Variants in MGA observed in about 807,000 individuals in gnomAD.
MGA encodes MAX gene-associated protein.
Under a neutral mutation model 261.1 loss-of-function variants are expected in MGA, and 40 were observed. The ratio of observed to expected loss-of-function variants is 0.15; its 90% CI spans 0.12 to 0.20. The LOEUF (loss-of-function observed/expected upper bound fraction) is 0.20, where lower values mean the gene tolerates loss of function less well. Among genes scored for constraint, MGA ranks in the 10% least tolerant of loss-of-function variants. The probability of loss-of-function intolerance (pLI) is 1.00; values close to 1 mark genes in which losing one functional copy is unlikely to be tolerated. For missense variants in MGA, 3,397 were observed against 3,630.5 expected, an observed-to-expected ratio of 0.94 and a Z score of 1.65; for synonymous variants, 1,302 against 1,290.6, an observed-to-expected ratio of 1.01 and a Z score of -0.19.
At chr15:41,627,672 A>G (rs981749981) in intron 1 of MGA, among the ~76,000 whole-genome samples, 1 of 152,254 alleles carries the variant, frequency 6.6e-6, no homozygotes, top group Non-Finnish European at 1.5e-5. Flanking sequence ...TAAGTAATAC[A>G]TTGACAAGCC....
At position 41,750,207 on chromosome 15, in the gene MGA, G is replaced by A; in HGVS notation, c.6600G>A (p.Gln2200=). The change falls in exon 17 of 24, where the codon CAG becomes CAA. Residue 2200 remains glutamine, a synonymous_variant. Coordinates refer to ENST00000219905, the MANE Select transcript of MGA (RefSeq NM_001164273.2). ...AATGTAAGAAAGAGGCAGACGAGCA[G>A]TTAATTAAAGAAACAAAGACATGTC... 6.2e-7 allele frequency: 1 copy of A among 1,613,924 alleles called. No homozygotes were observed. The highest frequency in any genetic ancestry group is 1.1e-5 in the South Asian group (1 of 91,090).
chr15:41,749,882 A>C lies in MGA; in HGVS notation c.6275A>C (p.Lys2092Thr). 2 of 1,613,984 alleles carry C rather than the reference A, an allele frequency of 1.2e-6. No homozygotes were observed. The highest frequency in any genetic ancestry group is 1.7e-6 in the Non-Finnish European group (2 of 1,179,890). Residue 2092 changes from lysine (K) to threonine (T), a missense_variant, in exon 17 of 24, where the codon AAA (lysine) becomes ACA (threonine). Around this residue, in one of 9 missense-constraint regions of MGA, gnomAD observed 1,410 missense variants for 1,386.4 expected, o/e 1.02. Coordinates refer to ENST00000219905, the MANE Select transcript of MGA (RefSeq NM_001164273.2). ...CTGGAAGTTAGGACCATTTCTGAAA[A>C]AGCCAGTAATAAGACAGTCCAAAAT...
chr15:41,689,317 C>G (rs1020256934), intron 2 of MGA, among the ~76,000 whole-genome samples: 6 of 151,256 alleles, frequency 4.0e-5, no homozygotes, highest in Non-Finnish European at 7.4e-5. Context: ...CTCTTCCTTT[C>G]TCTCCCTACC....
At chr15:41,621,740 G>T (rs2056293838) in intron 1 of MGA, among the ~76,000 whole-genome samples, 1 of 151,970 alleles carries the variant, frequency 6.6e-6, no homozygotes, top group South Asian at 2.1e-4. Context: ...GAGGCGTCAC[G>T]TGGACGCCAC....
chr15:41,693,435 T>A (rs1309254072), intron 2 of MGA, among the ~76,000 whole-genome samples: 1 of 151,852 alleles, frequency 6.6e-6, no homozygotes, highest in Non-Finnish European at 1.5e-5. Context: ...TGTGATAGTT[T>A]ACTGAGAATG....
chr15:41,709,704 G>A (rs1179474324), intron 7 of MGA, among the ~76,000 whole-genome samples: 1 of 151,782 alleles, frequency 6.6e-6, no homozygotes, highest in Non-Finnish European at 1.5e-5. Flanking sequence ...ACTAAGTGCC[G>A]GGATTACAGG....
At chr15:41,677,624 A>T (rs546275876) in intron 2 of MGA, among the ~76,000 whole-genome samples, 1 of 152,328 alleles carries the variant, frequency 6.6e-6, no homozygotes, top group Non-Finnish European at 1.5e-5. Context: ...TGTTTTTAAT[A>T]ATAGCCATCT....
chr15:41,729,498 T>C, intron 11 of MGA, 149 bp downstream of exon 11: 2 of 788,750 alleles, frequency 2.5e-6, no homozygotes, highest in Non-Finnish European at 4.0e-6. Flanking sequence ...GTGTACCTAT[T>C]GTATGATACG....
chr15:41,736,071 C>T, intron 12 of MGA, 110 bp from the exon 13 acceptor site: 1 of 985,812 alleles, frequency 1.0e-6, no homozygotes, highest in Non-Finnish European at 1.4e-6. Flanking sequence ...TAAGTTACTA[C>T]TGTGAAAGAA....
chr15:41,705,746 G>A (rs2060073667), intron 5 of MGA, among the ~76,000 whole-genome samples: 2 of 152,112 alleles, frequency 1.3e-5, no homozygotes, highest in South Asian at 4.1e-4. Context: ...TGAATGTGGT[G>A]GATTGGTGTT....
chr15:41,670,576 G>A (rs1055051986), intron 2 of MGA, among the ~76,000 whole-genome samples: 2 of 152,130 alleles, frequency 1.3e-5, no homozygotes, highest in Non-Finnish European at 2.9e-5. Flanking sequence ...CATGATCTCC[G>A]CTCACTGCAA....
At chr15:41,694,857 A>G (rs1330474447) in intron 2 of MGA, among the ~76,000 whole-genome samples, 3 of 152,040 alleles carry the variant, frequency 2.0e-5, no homozygotes, top group Admixed American at 2.0e-4. Context: ...TGCAGCCTCG[A>G]ACTCCTGGGC....
intron 2 of MGA, among the ~76,000 whole-genome samples, chr15:41,681,055 A>C (rs1233078263): frequency 6.6e-6 from 1 of 152,182 alleles, no homozygotes; most frequent in Non-Finnish European, 1.5e-5. Flanking sequence ...CACTCTGGAA[A>C]TACCAAAGAT....
At chr15:41,650,893 G>T (rs917960689) in intron 1 of MGA, among the ~76,000 whole-genome samples, 1 of 152,098 alleles carries the variant, frequency 6.6e-6, no homozygotes, top group Non-Finnish European at 1.5e-5. Context: ...AGTAACCTAG[G>T]TTATTTTCAT....
chr15:41,697,537 C>G (rs1450135585), intron 3 of MGA, among the ~76,000 whole-genome samples: 3 of 152,006 alleles, frequency 2.0e-5, no homozygotes, highest in African/African-American at 7.3e-5. Context: ...GTGCCCCAGC[C>G]TCACGAGTAG....
chr15:41,653,969 C>T (rs567540174), intron 1 of MGA, among the ~76,000 whole-genome samples: 26 of 152,250 alleles, frequency 1.7e-4, no homozygotes, highest in East Asian at 3.9e-4. Context: ...CTTGCCCCAC[C>T]GTAAAGGATT....
rs767366682 is a variant in MGA at position 41,766,149 on chromosome 15, G to A, written c.8067G>A (p.Arg2689=). The A allele has an allele frequency of 1.2e-6, 2 of 1,614,002 alleles. No homozygotes were observed. The highest frequency in any genetic ancestry group is 1.1e-5 in the South Asian group (1 of 91,082). The change falls in exon 24 of 24, where the codon AGG becomes AGA. Residue 2689 remains arginine, a synonymous_variant. Transcript: ENST00000219905. ...CTGACCATCTGAAAGACACCGTCAG[G>A]AATGAAGATAATTCCTTAGAGGATA...
intron 1 of MGA, among the ~76,000 whole-genome samples, chr15:41,647,569 C>T (rs2056958981): frequency 6.6e-6 from 1 of 152,130 alleles, no homozygotes; most frequent in South Asian, 2.1e-4. Context: ...CTACTCTCAT[C>T]TATTTTTCTC....
chr15:41,718,467 A>G (rs532544651), intron 9 of MGA: 8 of 787,736 alleles, frequency 1.0e-5, no homozygotes, highest in East Asian at 2.5e-5. Context: ...TTTTCGTACA[A>G]TTTGTGAGTC....
Sources: allele counts gnomAD v4.1 joint callset (sites outside exome capture counted in the v4.1 genomes callset), GRCh38; gene constraint gnomAD v4.1.1; regional missense constraint gnomAD v4.1.1; transcripts MANE v1.5; gene names NCBI Gene and HGNC (gene_info 2026-07-23, HGNC 2026-07-21).